Variants in CTNNA3 observed in about 807,000 individuals in gnomAD.
The protein encoded by CTNNA3 is catenin alpha 3.
In CTNNA3, 76 loss-of-function variants were observed where a neutral mutation model predicts 95.7. The observed-to-expected ratio is 0.79, with a 90% CI of 0.66 to 0.96. The LOEUF (loss-of-function observed/expected upper bound fraction) is 0.96. Ranked by LOEUF, CTNNA3 falls within the 40% of genes least tolerant of loss-of-function variation. The pLI, the probability that CTNNA3 is intolerant of heterozygous loss-of-function variation, is 0.00. For synonymous variants in CTNNA3, 431 were observed against 374.4 expected (o/e 1.15, Z -1.74); for missense variants, 1,191 against 1,089.8 (o/e 1.09, Z -1.31).
At position 66,708,822 on chromosome 10, in the gene CTNNA3, C is replaced by A. The variant is rs10997324; in HGVS notation, c.1281+57442G>T. ...CTAGTCTCAGCCTCTGCTTCCTTATCCAGGGAATTCACCACTACCATGGAA... is the reference window on the plus strand; with the variant it reads ...CTAGTCTCAGCCTCTGCTTCCTTATACAGGGAATTCACCACTACCATGGAA... On this transcript the variant is annotated intron_variant, in intron 9 of 17. Coordinates refer to ENST00000433211, the MANE Select transcript of CTNNA3 (RefSeq NM_013266.4). 0.013 allele frequency among the ~76,000 whole-genome samples: 2,023 copies of A among 152,200 alleles called. 81 individuals are homozygous for A. In the East Asian group the frequency reaches 0.16, roughly 12 times the overall value.
At chr10:67,168,590 G>A (rs761635205) in intron 7 of CTNNA3, among the ~76,000 whole-genome samples, 7 of 152,130 alleles carry the variant, frequency 4.6e-5, no homozygotes, top group Non-Finnish European at 1.0e-4. Flanking sequence ...ACCCGTTCAT[G>A]TTAAAAACTT....
intron 11 of CTNNA3, among the ~76,000 whole-genome samples, chr10:66,483,255 T>C (rs1358783282): frequency 6.6e-6 from 1 of 152,184 alleles, no homozygotes; most frequent in African/African-American, 2.4e-5. Flanking sequence ...CAACTCAAGA[T>C]TGTGGAAAAC....
At chr10:67,649,891 G>A (rs1432369202) in intron 1 of CTNNA3, among the ~76,000 whole-genome samples, 1 of 152,172 alleles carries the variant, frequency 6.6e-6, no homozygotes, top group African/African-American at 2.4e-5. Flanking sequence ...CCAGGCTGGA[G>A]TACAATGGCC....
At chr10:67,285,767 T>C (rs1384922992) in intron 5 of CTNNA3, among the ~76,000 whole-genome samples, 1 of 152,220 alleles carries the variant, frequency 6.6e-6, no homozygotes, top group Non-Finnish European at 1.5e-5. Flanking sequence ...TGTTTGTTTT[T>C]TACAAAGGTT....
chr10:67,456,713 TTG>T (rs1312467229), intron 5 of CTNNA3, among the ~76,000 whole-genome samples: 2 of 152,160 alleles, frequency 1.3e-5, no homozygotes, highest in African/African-American at 4.8e-5. Context: ...TATAATCAAA[TTG>T]TGTTTTAAAC....
At chr10:67,155,698 T>C (rs1861283556) in intron 7 of CTNNA3, among the ~76,000 whole-genome samples, 1 of 152,120 alleles carries the variant, frequency 6.6e-6, no homozygotes, top group Admixed American at 6.5e-5. Context: ...GTACTTTTTT[T>C]CTAAGTTTTT....
At chr10:67,407,009 T>A (rs1375553102) in intron 5 of CTNNA3, among the ~76,000 whole-genome samples, 1 of 152,260 alleles carries the variant, frequency 6.6e-6, no homozygotes, top group African/African-American at 2.4e-5. Flanking sequence ...GCTGGTACCA[T>A]TCCTATTGAA....
chr10:66,309,521 T>C (rs1238280292), intron 12 of CTNNA3, among the ~76,000 whole-genome samples: 1 of 150,648 alleles, frequency 6.6e-6, no homozygotes, highest in Admixed American at 6.6e-5. Context: ...TGAAACCCCA[T>C]CTACCAAAAA....
intron 5 of CTNNA3, among the ~76,000 whole-genome samples, chr10:67,311,882 C>T (rs1255422071): frequency 6.6e-6 from 1 of 151,782 alleles, no homozygotes; most frequent in Non-Finnish European, 1.5e-5. Flanking sequence ...CCTAGTATCC[C>T]AACCCCAACA....
chr10:66,295,286 A>G (rs2091760393), intron 12 of CTNNA3, among the ~76,000 whole-genome samples: 1 of 152,164 alleles, frequency 6.6e-6, no homozygotes, highest in African/African-American at 2.4e-5. Context: ...TATAAGAGCA[A>G]TATCTTACTG....
rs561306751 is a variant in CTNNA3, at chr10:67,095,677, T to C, written c.1047+84640A>G. Among the ~76,000 whole-genome samples the C allele has an allele frequency of 5.3e-5, 8 of 151,942 alleles. No homozygotes were observed. In the South Asian group the frequency reaches 1.7e-3, roughly 31 times the overall value. ...TAATTCTAAGTAAGCCAGAAATGATTCTGCATATATGAGGCATAAGTTTCC... is the reference window on the plus strand; with the variant it reads ...TAATTCTAAGTAAGCCAGAAATGATCCTGCATATATGAGGCATAAGTTTCC... On this transcript the variant is annotated intron_variant, in intron 7 of 17. Coordinates refer to ENST00000433211, the MANE Select transcript of CTNNA3 (RefSeq NM_013266.4).
At chr10:67,738,132 T>G (rs1841313455) in intron 1 of CTNNA3, among the ~76,000 whole-genome samples, 1 of 152,130 alleles carries the variant, frequency 6.6e-6, no homozygotes, top group Non-Finnish European at 1.5e-5. Flanking sequence ...GTGACCTGAC[T>G]GTTAAAACAA....
At chr10:66,340,296 C>T (rs890950800) in intron 12 of CTNNA3, among the ~76,000 whole-genome samples, 1 of 151,750 alleles carries the variant, frequency 6.6e-6, no homozygotes, top group East Asian at 1.9e-4. Context: ...TTTTCCATTG[C>T]AGATACCAAT....
At position 66,346,333 on chromosome 10, in the gene CTNNA3, G is replaced by C. The variant is rs1181983489; in HGVS notation, c.1732+32819C>G. Among the ~76,000 whole-genome samples the C allele has an allele frequency of 4.0e-5, 6 of 149,952 alleles. No homozygotes were observed. The East Asian group carries it at 1.0e-3, about 25-fold the overall frequency. ...CTTGCCCTGTCACCAGGCTGGAGTGGAGTGGCATGATCTCGGCTCACTGCA... is the reference window on the plus strand; with the variant it reads ...CTTGCCCTGTCACCAGGCTGGAGTGCAGTGGCATGATCTCGGCTCACTGCA... On this transcript the variant is annotated intron_variant, in intron 12 of 17. Transcript: ENST00000433211.
At chr10:66,388,415 A>G (rs1331649874) in intron 11 of CTNNA3, among the ~76,000 whole-genome samples, 1 of 152,176 alleles carries the variant, frequency 6.6e-6, no homozygotes, top group Admixed American at 6.6e-5. Flanking sequence ...AATATTCACT[A>G]ACAATGAATG....
At chr10:67,597,457 C>A (rs780264902) in intron 3 of CTNNA3, among the ~76,000 whole-genome samples, 2 of 152,108 alleles carry the variant, frequency 1.3e-5, no homozygotes, top group Non-Finnish European at 2.9e-5. Flanking sequence ...TTCTTTGATG[C>A]CCTTGGTGGT....
At chr10:67,146,890 T>C (rs1365859249) in intron 7 of CTNNA3, among the ~76,000 whole-genome samples, 3 of 152,220 alleles carry the variant, frequency 2.0e-5, no homozygotes, top group Non-Finnish European at 4.4e-5. Flanking sequence ...CAGTTAACAT[T>C]ATGTTACCAT....
chr10:67,712,770 T>C (rs932713162), intron 1 of CTNNA3, among the ~76,000 whole-genome samples: 14 of 152,082 alleles, frequency 9.2e-5, no homozygotes, highest in Admixed American at 3.9e-4. Context: ...TTACACCTTA[T>C]ACAAAAACTA....
chr10:66,820,944 C>T (rs1842285571), intron 7 of CTNNA3, among the ~76,000 whole-genome samples: 1 of 152,064 alleles, frequency 6.6e-6, no homozygotes, highest in South Asian at 2.1e-4. Context: ...CCTTACAAAA[C>T]ACCCCTTTAT....
Sources: gnomAD v4.1 joint callset for allele counts (sites outside exome capture counted in the v4.1 genomes callset) on GRCh38, gnomAD v4.1.1 for gene constraint, MANE v1.5 for transcripts, NCBI Gene and HGNC (gene_info 2026-07-23, HGNC 2026-07-21) for gene names.